Variants in ABLIM2 observed in about 807,000 individuals in gnomAD.
ABLIM2 encodes actin-binding LIM protein 2.
A neutral mutation model predicts 97.7 loss-of-function variants in ABLIM2; 53 were observed. The ratio of observed to expected loss-of-function variants is 0.54; its 90% confidence interval spans 0.44 to 0.68. The LOEUF (loss-of-function observed/expected upper bound fraction) is 0.68, where lower values mean the gene tolerates loss of function less well. Among genes scored for constraint, ABLIM2 ranks in the 30% least tolerant of loss-of-function variants. ABLIM2 has a pLI of 0.00. For missense variants in ABLIM2, 835 were observed against 867.2 expected, an observed-to-expected ratio of 0.96 and a Z score of 0.47; for synonymous variants, 361 against 345.8, an observed-to-expected ratio of 1.04 and a Z score of -0.49.
In ABLIM2 at chr4:8,128,599, C is replaced by G. The variant is rs372212266; in HGVS notation, c.11-21962G>C. ...CCTCCAGTGACCTTGCACAGCAGGT[C>G]TCCTTGCCCTGGCTCTAAGGCAGGA... On this transcript the variant is annotated intron_variant, in intron 1 of 20. Coordinates refer to ENST00000447017, the MANE Select transcript of ABLIM2 (RefSeq NM_001130083.2). The surrounding 1 kb of genome is among the most constrained non-coding windows in gnomAD (Gnocchi z 4.9). 9.8e-5 allele frequency among the ~76,000 whole-genome samples: 15 copies of G among 152,360 alleles called. No homozygotes were observed. In the South Asian group the frequency reaches 2.7e-3, roughly 27 times the overall value.
chr4:8,065,140 T>C (rs1392170935), intron 6 of ABLIM2, among the ~76,000 whole-genome samples: 1 of 152,152 alleles, frequency 6.6e-6, no homozygotes, highest in African/African-American at 2.4e-5. Flanking sequence ...TAGTCCCAGC[T>C]ACTCAGGAGG....
intron 20 of ABLIM2, among the ~76,000 whole-genome samples, chr4:7,975,491 G>A (rs1370932190): frequency 6.6e-6 from 1 of 152,122 alleles, no homozygotes; most frequent in Admixed American, 6.6e-5. Flanking sequence ...ACCTTTCACT[G>A]CTGCGTGGCT....
rs1369546172 is a variant in ABLIM2, at chr4:7,999,353, C to T, written c.1619-6426G>A. Among the ~76,000 whole-genome samples, 4 of 152,178 alleles carry T rather than the reference C, an allele frequency of 2.6e-5. No individual in the cohort carries two copies. Among genetic ancestry groups the T allele is most frequent in the East Asian group, 1.9e-4 (1 of 5,196 alleles). On this transcript the variant is annotated intron_variant, in intron 16 of 20. Transcript: ENST00000447017. The surrounding 1 kb of genome is among the most constrained non-coding windows in gnomAD (Gnocchi z 4.4). ...GATTACAGGCGTGAGCCACTGCGCCCGGCCAAGAATCACTGGTTTAAAAAG... is the reference window on the plus strand; with the variant it reads ...GATTACAGGCGTGAGCCACTGCGCCTGGCCAAGAATCACTGGTTTAAAAAG...
At chr4:8,154,619 G>C (rs757926223) in intron 1 of ABLIM2, among the ~76,000 whole-genome samples, 5 of 152,190 alleles carry the variant, frequency 3.3e-5, no homozygotes, top group African/African-American at 9.7e-5. Context: ...CCTAACATTA[G>C]AAATTCTTTA....
chr4:8,027,738 C>A (rs1277151071), intron 12 of ABLIM2, 21 bp downstream of exon 12: 2 of 1,545,110 alleles, frequency 1.3e-6, no homozygotes, highest in Non-Finnish European at 8.7e-7. Context: ...CACCCACAGC[C>A]CACATCACTG....
At chr4:7,995,909 G>A (rs1041671399) in intron 16 of ABLIM2, among the ~76,000 whole-genome samples, 16 of 152,148 alleles carry the variant, frequency 1.1e-4, no homozygotes, top group African/African-American at 3.9e-4. Flanking sequence ...CACAGAAGGA[G>A]AGTCAAGGCC....
At chr4:8,051,150 C>G (rs1795756367) in intron 8 of ABLIM2, among the ~76,000 whole-genome samples, 1 of 152,240 alleles carries the variant, frequency 6.6e-6, no homozygotes, top group South Asian at 2.1e-4. Context: ...AACCCGGGAG[C>G]TGTCGCCAGC....
At position 8,068,683 on chromosome 4, in the gene ABLIM2, C is replaced by T. The variant is rs1281825714; in HGVS notation, c.676-7629G>A. ...CCCACTGGAGAGCTGCCACACTTCC[C>T]CTTGCTTCTTCCCCGCTGCGGGCTC... On this transcript the variant is annotated intron_variant, in intron 6 of 20. Transcript: ENST00000447017. The surrounding 1 kb of genome is among the most constrained non-coding windows in gnomAD (Gnocchi z 4.5). 3.9e-5 allele frequency among the ~76,000 whole-genome samples: 6 copies of T among 152,216 alleles called. No homozygotes were observed. Among genetic ancestry groups the T allele is most frequent in the Admixed American group, 3.9e-4 (6 of 15,286 alleles).
At chr4:8,081,840 C>A (rs1307700697) in intron 4 of ABLIM2, among the ~76,000 whole-genome samples, 2 of 152,182 alleles carry the variant, frequency 1.3e-5, no homozygotes, top group African/African-American at 4.8e-5. Flanking sequence ...GCAGGGCCCA[C>A]TGAGTCAACC....
Position 8,088,204 on chromosome 4 carries a change from A to G in ABLIM2, c.419T>C (p.Val140Ala). ...CTGGGACAGGTGCGCGCTGCTGCCCACCGATACGGGCAGGGAACACTTCTG... is the reference window on the plus strand; with the variant it reads ...CTGGGACAGGTGCGCGCTGCTGCCCGCCGATACGGGCAGGGAACACTTCTG... Reference protein sequence around the residue: ...MCQKCSLPVSVGSSAHLSQGL... With the variant: ...MCQKCSLPVSAGSSAHLSQGL... The change falls in exon 4 of 21, where the codon GTG (valine) becomes GCG (alanine). Residue 140 changes from valine to alanine, a missense_variant. Physicochemically the swap from Val to Ala is moderately conservative, Grantham distance 64. Transcript: ENST00000447017. The G allele has an allele frequency of 6.3e-7, 1 of 1,598,520 alleles. No individual in the cohort carries two copies. Among genetic ancestry groups the G allele is most frequent in the Non-Finnish European group, 8.5e-7 (1 of 1,172,770 alleles).
At chr4:7,973,554 G>A (rs768841641) in intron 20 of ABLIM2, among the ~76,000 whole-genome samples, 3 of 152,072 alleles carry the variant, frequency 2.0e-5, no homozygotes, top group Non-Finnish European at 2.9e-5. Flanking sequence ...GACCTGAGCC[G>A]GGAAAGGTGA....
rs145337424 is a variant in ABLIM2, at chr4:8,065,241, A to G, written c.676-4187T>C. 3.1e-3 allele frequency among the ~76,000 whole-genome samples: 474 copies of G among 152,284 alleles called. 1 individual carries two copies. The highest frequency in any genetic ancestry group is 0.011 in the African/African-American group (463 of 41,554). On this transcript the variant is annotated intron_variant, in intron 6 of 20. Coordinates refer to ENST00000447017, the MANE Select transcript of ABLIM2 (RefSeq NM_001130083.2). Reference sequence around the variant, plus strand: ...CACTCCAGCCTGGATGACAGAGTGAAACCCAGACTCTTACAGAAACGTTTT... The same window carrying G: ...CACTCCAGCCTGGATGACAGAGTGAGACCCAGACTCTTACAGAAACGTTTT...
At chr4:8,062,729 A>G (rs971772567) in intron 6 of ABLIM2, among the ~76,000 whole-genome samples, 7 of 152,040 alleles carry the variant, frequency 4.6e-5, no homozygotes, top group African/African-American at 9.7e-5. Flanking sequence ...ATGAGCCACC[A>G]CGCCCGGCCT....
Position 8,021,521 on chromosome 4 carries a change from T to A in ABLIM2, c.1268-1218A>T, listed in dbSNP as rs1217676611. Among the ~76,000 whole-genome samples the A allele has an allele frequency of 6.6e-6, 1 of 152,204 alleles. No homozygotes were observed. The highest frequency in any genetic ancestry group is 2.4e-5 in the African/African-American group (1 of 41,458). ...TTCACCTGAGAACGTTCCCTCAAGC[T>A]GCACAGCCTTTCAGAGCAGCAGGAC... On this transcript the variant is annotated intron_variant, in intron 12 of 20. Coordinates refer to ENST00000447017, the MANE Select transcript of ABLIM2 (RefSeq NM_001130083.2). This position sits in a 1 kb window ranked among gnomAD's most constrained non-coding sequence, Gnocchi z 5.5.
chr4:8,020,372 A>G (rs765086690), intron 12 of ABLIM2, 69 bp from the exon 13 acceptor site: 73 of 1,391,008 alleles, frequency 5.2e-5, no homozygotes, highest in Non-Finnish European at 5.3e-5. Context: ...TATTTCAAGC[A>G]TGAAAAGCTT....
Position 8,126,526 on chromosome 4 carries a change from C to T in ABLIM2, c.11-19889G>A, listed in dbSNP as rs577591162. On this transcript the variant is annotated intron_variant, in intron 1 of 20. Transcript: ENST00000447017. Reference sequence around the variant, plus strand: ...TTGCCATCACCTTCACCCCACAGGCCGCCTGGTCAACACGCAGGATTGGAG... The same window carrying T: ...TTGCCATCACCTTCACCCCACAGGCTGCCTGGTCAACACGCAGGATTGGAG... Among the ~76,000 whole-genome samples the T allele has an allele frequency of 1.4e-3, 218 of 151,984 alleles. No homozygotes were observed. In the Middle Eastern group the frequency reaches 0.017, roughly 12 times the overall value.
At position 8,069,676 on chromosome 4, in the gene ABLIM2, C is replaced by T. The variant is rs1368335011; in HGVS notation, c.675+7952G>A. ...GTTGTCTGTGTGCATTTCTGTGTGT[C>T]TCTGTGTGTGTTTGTGTGTTGTCTG... On this transcript the variant is annotated intron_variant, in intron 6 of 20. Transcript: ENST00000447017. The surrounding 1 kb of genome is among the most constrained non-coding windows in gnomAD (Gnocchi z 4.2). Among the ~76,000 whole-genome samples the T allele has an allele frequency of 1.3e-5, 2 of 151,716 alleles. No homozygotes were observed. The highest frequency in any genetic ancestry group is 2.4e-5 in the African/African-American group (1 of 41,276).
chr4:8,019,934 C>T lies in ABLIM2; in HGVS notation c.1370-263G>A, dbSNP rs575545592. Among the ~76,000 whole-genome samples, 63 of 152,298 alleles carry T rather than the reference C, an allele frequency of 4.1e-4. No individual in the cohort carries two copies. Among genetic ancestry groups the T allele is most frequent in the African/African-American group, 1.5e-3 (63 of 41,556 alleles). Reference sequence around the variant, plus strand: ...GGGAAGTGTAGCCAGCTCAGACAGCCCTTTTCCTTCACCCCATTCCCAGGA... The same window carrying T: ...GGGAAGTGTAGCCAGCTCAGACAGCTCTTTTCCTTCACCCCATTCCCAGGA... On this transcript the variant is annotated intron_variant, in intron 13 of 20. Transcript: ENST00000447017. This position sits in a 1 kb window ranked among gnomAD's most constrained non-coding sequence, Gnocchi z 4.3.
At chr4:8,099,504 A>G (rs1193162159) in intron 2 of ABLIM2, among the ~76,000 whole-genome samples, 7 of 152,178 alleles carry the variant, frequency 4.6e-5, no homozygotes, top group African/African-American at 1.7e-4. Context: ...GTTGCTGGTC[A>G]GATTCTAGCT....
Sources: allele counts gnomAD v4.1 joint callset (sites outside exome capture counted in the v4.1 genomes callset), GRCh38; gene constraint gnomAD v4.1.1; non-coding constraint Gnocchi (gnomAD v3.1); transcripts MANE v1.5; gene names NCBI Gene and HGNC (gene_info 2026-07-23, HGNC 2026-07-21).